The following DYM variants were observed in gnomAD, a reference collection of about 807,000 sequenced individuals.
DYM encodes dyggve-Melchior-Clausen syndrome protein.
DYM carries 78 observed loss-of-function variants against 93.1 expected under a neutral mutation model. The observed-to-expected ratio is 0.84, with a 90% CI of 0.70 to 1.01. The LOEUF (loss-of-function observed/expected upper bound fraction) is 1.01. Ranked by LOEUF, DYM falls within the 50% of genes least tolerant of loss-of-function variation. DYM has a pLI of 0.00. For synonymous variants in DYM, 321 were observed against 319.7 expected, an observed-to-expected ratio of 1.00 and a Z score of -0.04; for missense variants, 789 against 845.0, an observed-to-expected ratio of 0.93 and a Z score of 0.82.
intron 13 of DYM, among the ~76,000 whole-genome samples, chr18:49,233,886 G>A (rs958180906): frequency 6.6e-6 from 1 of 152,080 alleles, no homozygotes; most frequent in African/African-American, 2.4e-5. Context: ...CAGCACTTTG[G>A]GAGGCCGAGG....
At chr18:49,162,396 C>A (rs1294920596) in intron 15 of DYM, among the ~76,000 whole-genome samples, 1 of 152,144 alleles carries the variant, frequency 6.6e-6, no homozygotes, top group Non-Finnish European at 1.5e-5. Context: ...CAAGATGATG[C>A]AGGGTATCAC....
intron 2 of DYM, among the ~76,000 whole-genome samples, chr18:49,416,924 C>A (rs2073056956): frequency 6.6e-6 from 1 of 152,118 alleles, no homozygotes; most frequent in African/African-American, 2.4e-5. Flanking sequence ...AGCCCCTACA[C>A]CCTTCAGAGC....
chr18:49,061,925 C>T (rs531747121), intron 17 of DYM, among the ~76,000 whole-genome samples: 1 of 152,344 alleles, frequency 6.6e-6, no homozygotes, highest in South Asian at 2.1e-4. Flanking sequence ...AATTCTGTTT[C>T]CATCCTCCAT....
At position 49,183,996 on chromosome 18, in the gene DYM, A is replaced by G. The variant is rs549106578; in HGVS notation, c.1626-20209T>C. On this transcript the variant is annotated intron_variant, in intron 14 of 17. Transcript: ENST00000675505. Reference sequence around the variant, plus strand: ...GAGGGCCCTCACCAGACCCCACTAGACCCCACCCTACTGGCACTTTGATCT... The same window carrying G: ...GAGGGCCCTCACCAGACCCCACTAGGCCCCACCCTACTGGCACTTTGATCT... Among the ~76,000 whole-genome samples the G allele has an allele frequency of 3.9e-5, 6 of 152,074 alleles. No homozygotes were observed. In the East Asian group the frequency reaches 1.2e-3, roughly 29 times the overall value.
At chr18:49,331,643 G>A (rs998424914) in intron 8 of DYM, among the ~76,000 whole-genome samples, 3 of 152,128 alleles carry the variant, frequency 2.0e-5, no homozygotes, top group African/African-American at 4.8e-5. Flanking sequence ...CCTGAAAAAC[G>A]ATGTTTTGTA....
rs567134468 is a variant in DYM, at chr18:49,259,107, A to G, written c.1252-614T>C. Among the ~76,000 whole-genome samples the G allele has an allele frequency of 2.0e-5, 3 of 152,126 alleles. No individual in the cohort carries two copies. In the East Asian group the frequency reaches 5.8e-4, roughly 29 times the overall value. ...GAGTCACTGTGCCACATTATTCTCT[A>G]CCTATGCATGAAAAAGGAAGAGACT... On this transcript the variant is annotated intron_variant, in intron 11 of 17. Transcript: ENST00000675505.
At chr18:49,436,037 G>C (rs1399672741) in intron 1 of DYM, among the ~76,000 whole-genome samples, 2 of 152,042 alleles carry the variant, frequency 1.3e-5, no homozygotes, top group African/African-American at 4.8e-5. Flanking sequence ...TTTAGAGATA[G>C]GGTCTCACTC....
chr18:49,407,631 G>T (rs1270774627), intron 2 of DYM, among the ~76,000 whole-genome samples: 3 of 152,186 alleles, frequency 2.0e-5, no homozygotes, highest in African/African-American at 7.2e-5. Flanking sequence ...ATCATCAGGG[G>T]ATGGCGCTAG....
At chr18:49,287,128 A>C (rs2059718073) in intron 8 of DYM, among the ~76,000 whole-genome samples, 1 of 152,068 alleles carries the variant, frequency 6.6e-6, no homozygotes. Flanking sequence ...CAGAGGTTGC[A>C]GTGAGCTGAG....
chr18:49,311,357 GAAAGTTCTCTCC>G (rs2061576767), intron 8 of DYM, among the ~76,000 whole-genome samples: 1 of 152,204 alleles, frequency 6.6e-6, no homozygotes, highest in Admixed American at 6.5e-5. Context: ...AGCTGTTTTA[GAAAGTTCTCTCC>G]AAAAGAAAAG....
intron 15 of DYM, among the ~76,000 whole-genome samples, chr18:49,122,151 T>C (rs1438982860): frequency 6.6e-6 from 1 of 152,218 alleles, no homozygotes; most frequent in Non-Finnish European, 1.5e-5. Flanking sequence ...ATAAGGCTGA[T>C]AAGTCTCCTG....
chr18:49,091,344 T>C (rs111582717), intron 17 of DYM, among the ~76,000 whole-genome samples: 2,696 of 151,900 alleles, frequency 0.018, 76 homozygotes, highest in African/African-American at 0.061. Flanking sequence ...TACAGTAGGA[T>C]TGGGGGGCTG....
Position 49,071,959 on chromosome 18 carries a change from G to A in DYM, c.2025+25443C>T, listed in dbSNP as rs554343514. ...ATAATAACTGCCACATGCACGCTGC[G>A]CCTTACCCCTGGGCCTGCTAATTCC... is the stretch of plus-strand genomic sequence containing the variant. On this transcript the variant is annotated intron_variant, in intron 17 of 17. Coordinates refer to ENST00000675505, the MANE Select transcript of DYM (RefSeq NM_001353214.3). 2.2e-4 allele frequency among the ~76,000 whole-genome samples: 34 copies of A among 152,222 alleles called. No individual in the cohort carries two copies. In the East Asian group the frequency reaches 6.0e-3, roughly 27 times the overall value.
intron 1 of DYM, among the ~76,000 whole-genome samples, chr18:49,459,901 T>C (rs1355637571): frequency 4.2e-5 from 6 of 142,282 alleles, no homozygotes; most frequent in Admixed American, 7.1e-5. Flanking sequence ...TGCTAATGGG[T>C]ACGAGCTTCT....
chr18:49,246,289 A>T (rs2094164936), intron 13 of DYM, among the ~76,000 whole-genome samples: 1 of 152,180 alleles, frequency 6.6e-6, no homozygotes, highest in African/African-American at 2.4e-5. Flanking sequence ...GAGCCACTTT[A>T]AATCTTTTTA....
intron 1 of DYM, among the ~76,000 whole-genome samples, chr18:49,438,906 T>C (rs1245376057): frequency 6.6e-6 from 1 of 152,208 alleles, no homozygotes; most frequent in African/African-American, 2.4e-5. Context: ...CCAATTTATT[T>C]GGAACTCTCA....
chr18:49,189,032 T>C (rs1452096500), intron 14 of DYM, among the ~76,000 whole-genome samples: 2 of 152,056 alleles, frequency 1.3e-5, no homozygotes, highest in Admixed American at 1.3e-4. Flanking sequence ...TTTGCAGTGA[T>C]TCCTAGGTGA....
chr18:49,364,592 A>C lies in DYM; in HGVS notation c.422-1359T>G, dbSNP rs951200501. Among the ~76,000 whole-genome samples the C allele has an allele frequency of 1.1e-4, 16 of 152,124 alleles. No homozygotes were observed. In the East Asian group the frequency reaches 3.1e-3, roughly 29 times the overall value. On this transcript the variant is annotated intron_variant, in intron 5 of 17. Coordinates refer to ENST00000675505, the MANE Select transcript of DYM (RefSeq NM_001353214.3). ...AGAGCTAACTAAACTCCATCCTTTC[A>C]CTCTCCTGGCTTAGATCTTTTCAAT...
chr18:49,086,102 C>G (rs1332309444), intron 17 of DYM, among the ~76,000 whole-genome samples: 1 of 152,174 alleles, frequency 6.6e-6, no homozygotes, highest in East Asian at 1.9e-4. Context: ...GAACTTGGGT[C>G]CTGCAGTCAT....
Sources: allele counts gnomAD v4.1 joint callset (sites outside exome capture counted in the v4.1 genomes callset), GRCh38; gene constraint gnomAD v4.1.1; transcripts MANE v1.5; gene names NCBI Gene and HGNC (gene_info 2026-07-23, HGNC 2026-07-21).